Variants in TDRD9 observed in about 807,000 individuals in gnomAD.
TDRD9 encodes the protein tudor domain containing 9.
A neutral mutation model predicts 172.6 loss-of-function variants in TDRD9; 124 were observed. The ratio of observed to expected loss-of-function variants is 0.72; its 90% CI spans 0.62 to 0.83. TDRD9 has a LOEUF of 0.83. Among genes scored for constraint, TDRD9 ranks in the 40% least tolerant of loss-of-function variants. The pLI, the probability that TDRD9 is intolerant of heterozygous loss-of-function variation, is 0.00. For missense variants in TDRD9, 1,479 were observed against 1,714.1 expected (o/e 0.86, Z 2.42); for synonymous variants, 619 against 617.1 (o/e 1.00, Z -0.05).
intron 1 of TDRD9, among the ~76,000 whole-genome samples, chr14:103,954,875 C>T (rs796677064): frequency 6.6e-6 from 1 of 151,952 alleles, no homozygotes; most frequent in African/African-American, 2.4e-5. Flanking sequence ...GTGATCCGCC[C>T]GCCTTGGTCT....
intron 32 of TDRD9, among the ~76,000 whole-genome samples, chr14:104,039,706 G>C (rs1335843775): frequency 2.0e-5 from 3 of 152,284 alleles, no homozygotes; most frequent in East Asian, 1.9e-4. Context: ...GAGGAGGGTG[G>C]TGATAAAACT....
chr14:103,998,872 A>G (rs1466847916), intron 13 of TDRD9, 144 bp downstream of exon 13: 1 of 531,742 alleles, frequency 1.9e-6, no homozygotes, highest in Non-Finnish European at 3.3e-6. Flanking sequence ...GGTTCACTGC[A>G]AGCTCCGCTT....
chr14:104,016,132 C>G, intron 22 of TDRD9, 44 bp downstream of exon 22: 3 of 1,357,424 alleles, frequency 2.2e-6, no homozygotes, highest in Non-Finnish European at 3.1e-6. Flanking sequence ...TGTGGTGGGG[C>G]AGAACATTTT....
chr14:103,995,688 C>A, intron 11 of TDRD9, 62 bp from the exon 12 acceptor site: 2 of 1,448,258 alleles, frequency 1.4e-6, no homozygotes. Flanking sequence ...TTTTTGTAAA[C>A]TTTGCCTAAT....
rs1257689056 is a variant in TDRD9, at chr14:103,950,166, C to T, written c.216-5498C>T. ...GTGCCGTGGCGCAATCTCAGCTCACCGCAACCTCCGCCTCCCAGGTTCAAG... is the reference window on the plus strand; with the variant it reads ...GTGCCGTGGCGCAATCTCAGCTCACTGCAACCTCCGCCTCCCAGGTTCAAG... On this transcript the variant is annotated intron_variant, in intron 1 of 35. Transcript: ENST00000409874. Among the ~76,000 whole-genome samples, 10 of 142,652 alleles carry T rather than the reference C, an allele frequency of 7.0e-5. No individual in the cohort carries two copies. In the East Asian group the frequency reaches 1.3e-3, roughly 19 times the overall value. The allele number at this position is 142,652 out of a possible 152,430, so 93.6% of individuals were successfully genotyped here.
In TDRD9 at chr14:103,965,365, G is replaced by T; in HGVS notation, c.453G>T (p.Val151=). The T allele has an allele frequency of 6.4e-7, 1 of 1,551,752 alleles. No homozygotes were observed. The highest frequency in any genetic ancestry group is 1.2e-5 in the South Asian group (1 of 84,044). Residue 151 remains valine (V), a synonymous_variant, in exon 4 of 36, where the codon GTG becomes GTT. Transcript: ENST00000409874. ...CTTTGATAGAAAGTAATTCCGTGGT[G>T]ATTATCCATGGGGCCACGGGAAGCG... ...VVSLIESNSV[V]IIHGATGSGK...
intron 34 of TDRD9, among the ~76,000 whole-genome samples, chr14:104,045,622 A>G (rs2035748905): frequency 6.6e-6 from 1 of 152,206 alleles, no homozygotes; most frequent in African/African-American, 2.4e-5. Flanking sequence ...TGTGGTTTGA[A>G]TGTGATATGT....
intron 16 of TDRD9, 38 bp from the exon 17 acceptor site, chr14:104,006,608 A>G: frequency 1.2e-6 from 2 of 1,612,714 alleles, no homozygotes; most frequent in Non-Finnish European, 1.7e-6. Context: ...CACCACTCTC[A>G]CAATCTTACA....
chr14:104,035,718 G>T (rs567243758), intron 32 of TDRD9, among the ~76,000 whole-genome samples: 2 of 152,288 alleles, frequency 1.3e-5, no homozygotes, highest in Non-Finnish European at 2.9e-5. Flanking sequence ...AGTAATATTT[G>T]GGCTTTAGGA....
rs890263812 is a variant in TDRD9, at chr14:103,997,927, GT to G, written c.1379-696del. Among the ~76,000 whole-genome samples the G allele has an allele frequency of 3.9e-4, 59 of 152,258 alleles. 1 individual carries two copies. The highest frequency in any genetic ancestry group is 1.4e-3 in the African/African-American group (57 of 41,554). ...ATGGGAAGAAATGAACAAAGAACCG[GT>G]GGCGGCACACAACACTCCACAGGTG... On this transcript the variant is annotated intron_variant, in intron 12 of 35. Coordinates refer to ENST00000409874, the MANE Select transcript of TDRD9 (RefSeq NM_153046.3). This position sits in a 1 kb window ranked among gnomAD's most constrained non-coding sequence, Gnocchi z 5.1.
At chr14:103,953,871 T>C (rs1433142240) in intron 1 of TDRD9, among the ~76,000 whole-genome samples, 1 of 152,220 alleles carries the variant, frequency 6.6e-6, no homozygotes, top group Non-Finnish European at 1.5e-5. Context: ...CCATCCATGT[T>C]ACTGAGGCAG....
rs530414881 is a variant in TDRD9, at chr14:104,043,620, G to A, written c.3974+1433G>A. ...TGGCCAGCACCGAGGTCAGAGCCCC[G>A]GTGCTCCTTAGGGTGTGCGGGTGTG... is the stretch of plus-strand genomic sequence containing the variant. On this transcript the variant is annotated intron_variant, in intron 34 of 35. Transcript: ENST00000409874. 4.6e-5 allele frequency among the ~76,000 whole-genome samples: 7 copies of A among 152,214 alleles called. No individual in the cohort carries two copies. The South Asian group carries it at 1.0e-3, about 23-fold the overall frequency.
chr14:103,950,158 C>T (rs2031796152), intron 1 of TDRD9, among the ~76,000 whole-genome samples: 1 of 143,658 alleles, frequency 7.0e-6, no homozygotes, highest in African/African-American at 2.6e-5. Context: ...GGCGCAATCT[C>T]AGCTCACCGC....
intron 8 of TDRD9, among the ~76,000 whole-genome samples, chr14:103,987,881 C>T (rs1476226783): frequency 1.3e-5 from 2 of 152,084 alleles, no homozygotes; most frequent in Non-Finnish European, 2.9e-5. Context: ...TTGCCTATTT[C>T]TTCAATCTTT....
Position 104,008,469 on chromosome 14 carries a change from A to G in TDRD9, c.2106+3A>G. On this transcript the variant is annotated splice_donor_region_variant and intron_variant, in intron 20 of 35. Coordinates refer to ENST00000409874, the MANE Select transcript of TDRD9 (RefSeq NM_153046.3). ...TTCAAATCAAGAGAATTAGAGAGGT[A>G]AGTTAAGTTTTTTGACCAAATGGAT... 6.4e-7 allele frequency: 1 copy of G among 1,558,082 alleles called. No homozygotes were observed.
chr14:103,978,377 T>C (rs970692745), intron 7 of TDRD9, among the ~76,000 whole-genome samples: 1 of 152,158 alleles, frequency 6.6e-6, no homozygotes, highest in Non-Finnish European at 1.5e-5. Flanking sequence ...GCCCAGGAGT[T>C]TGAGAAAGAA....
At chr14:103,942,976 G>A (rs571449924) in intron 1 of TDRD9, among the ~76,000 whole-genome samples, 66 of 151,398 alleles carry the variant, frequency 4.4e-4, no homozygotes, top group African/African-American at 1.5e-3. Context: ...GAAAAATAGA[G>A]GCATAAGAAC....
intron 34 of TDRD9, among the ~76,000 whole-genome samples, chr14:104,044,146 G>A (rs578196020): frequency 3.9e-5 from 6 of 152,102 alleles, no homozygotes; most frequent in Admixed American, 2.6e-4. Context: ...CACAGGGACC[G>A]CTGCCAGTCA....
chr14:103,975,549 G>T lies in TDRD9; in HGVS notation c.1007G>T (p.Ser336Ile). 6.2e-7 allele frequency: 1 copy of T among 1,602,410 alleles called. No individual in the cohort carries two copies. Among genetic ancestry groups the T allele is most frequent in the Non-Finnish European group, 8.5e-7 (1 of 1,173,808 alleles). Residue 336 changes from serine to isoleucine, a missense_variant, in exon 7 of 36, where the codon AGC (serine) becomes ATC (isoleucine). Ser to Ile is a moderately radical substitution (Grantham distance 142). Transcript: ENST00000409874. Reference protein sequence around the residue: ...YLNDLEHIHHSKLSPHLLEEP... With the variant: ...YLNDLEHIHHIKLSPHLLEEP... ...AATGATTTGGAGCACATTCATCATAGCAAGGTATGTTAGAATGTGCTGTTT... is the reference window on the plus strand; with the variant it reads ...AATGATTTGGAGCACATTCATCATATCAAGGTATGTTAGAATGTGCTGTTT...
Sources: allele counts gnomAD v4.1 joint callset (sites outside exome capture counted in the v4.1 genomes callset), GRCh38; gene constraint gnomAD v4.1.1; non-coding constraint Gnocchi (gnomAD v3.1); transcripts MANE v1.5; gene names NCBI Gene and HGNC (gene_info 2026-07-23, HGNC 2026-07-21).